GNG2: variants seen among roughly 807,000 people sequenced by gnomAD.
The protein encoded by GNG2 is guanine nucleotide-binding protein G(I)/G(S)/G(O) subunit gamma-2.
Under a neutral mutation model 5.5 loss-of-function variants are expected in GNG2, and 5 were observed. The ratio of observed to expected loss-of-function variants is 0.91; its 90% CI spans 0.48 to 1.92. The LOEUF (loss-of-function observed/expected upper bound fraction) is 1.92. Among genes scored for constraint, GNG2 ranks in the 30% most tolerant of loss-of-function variants. The probability of loss-of-function intolerance (pLI) is 0.01; values close to 1 mark genes in which losing one functional copy is unlikely to be tolerated. For missense variants in GNG2, 55 were observed against 88.4 expected (o/e 0.62, Z 1.52); for synonymous variants, 28 against 32.0 (o/e 0.88, Z 0.42).
intron 2 of GNG2, among the ~76,000 whole-genome samples, chr14:51,850,477 T>TA (rs1288747864): frequency 6.6e-6 from 1 of 152,162 alleles, no homozygotes; most frequent in African/African-American, 2.4e-5. Flanking sequence ...CATATGAGGC[T>TA]AAAAAATTGC....
chr14:51,853,270 G>C (rs906536400), intron 2 of GNG2, among the ~76,000 whole-genome samples: 5 of 152,208 alleles, frequency 3.3e-5, no homozygotes, highest in African/African-American at 4.8e-5. Context: ...TGAAGATGAA[G>C]AGATGCGAGA....
At chr14:51,827,789 G>C in exon 2 of GNG2, 2 of 696,178 alleles carry the variant, frequency 2.9e-6, no homozygotes, top group Non-Finnish European at 5.2e-6. Flanking sequence ...AGCAAGAGAT[G>C]GTGTACCTTC....
intron 2 of GNG2, among the ~76,000 whole-genome samples, chr14:51,895,577 A>G (rs1042076804): frequency 1.2e-4 from 19 of 152,246 alleles, no homozygotes; most frequent in Non-Finnish European, 2.6e-4. Context: ...TGTAGCTGAA[A>G]TTAAGACCAT....
chr14:51,913,981 G>A (rs1886451845), intron 2 of GNG2: 1 of 485,880 alleles, frequency 2.1e-6, no homozygotes, highest in Non-Finnish European at 3.7e-6. Context: ...AAAACAATGG[G>A]AAGAATATCA....
chr14:51,839,597 A>G (rs925814504), intron 2 of GNG2, among the ~76,000 whole-genome samples: 1 of 152,088 alleles, frequency 6.6e-6, no homozygotes, highest in Non-Finnish European at 1.5e-5. Context: ...AAACAGATCA[A>G]TGGTTGTCAG....
chr14:51,938,780 A>T (rs2140260401), intron 2 of GNG2, among the ~76,000 whole-genome samples: 1 of 152,308 alleles, frequency 6.6e-6, no homozygotes, highest in Admixed American at 6.5e-5. Flanking sequence ...TTCTCATGTT[A>T]TGATTTTGGA....
intron 3 of GNG2, 133 bp from the exon 4 acceptor site, chr14:51,966,426 C>T: frequency 1.3e-6 from 1 of 748,076 alleles, no homozygotes; most frequent in Non-Finnish European, 2.3e-6. Flanking sequence ...GATGAGGAAG[C>T]AGAAGCTTTT....
At chr14:51,835,413 G>A (rs1881303575) in intron 2 of GNG2, among the ~76,000 whole-genome samples, 1 of 152,180 alleles carries the variant, frequency 6.6e-6, no homozygotes, top group Non-Finnish European at 1.5e-5. Flanking sequence ...TAGCTGTAAT[G>A]TTTCAGAGGT....
chr14:51,875,421 T>C (rs1883590220), intron 1 of GNG2, among the ~76,000 whole-genome samples: 1 of 152,194 alleles, frequency 6.6e-6, no homozygotes, highest in African/African-American at 2.4e-5. Flanking sequence ...AAAGTAGCTA[T>C]TATTGATATG....
At chr14:51,832,513 C>CT (rs1881226271) in intron 2 of GNG2, among the ~76,000 whole-genome samples, 1 of 152,192 alleles carries the variant, frequency 6.6e-6, no homozygotes, top group African/African-American at 2.4e-5. Context: ...CTCTCAGTGT[C>CT]TTAGCTGGGC....
chr14:51,890,321 GA>G (rs1371177072), intron 2 of GNG2, among the ~76,000 whole-genome samples: 1 of 152,190 alleles, frequency 6.6e-6, no homozygotes, highest in Non-Finnish European at 1.5e-5. Flanking sequence ...TTGTGGTTGA[GA>G]AAAGGCATTT....
At chr14:51,892,319 AT>A (rs1037186702) in intron 2 of GNG2, among the ~76,000 whole-genome samples, 7 of 148,690 alleles carry the variant, frequency 4.7e-5, no homozygotes, top group Admixed American at 1.3e-4. Flanking sequence ...ATTTTATTTT[AT>A]TTTTTTTTTG....
chr14:51,943,282 G>A (rs1318910081), intron 2 of GNG2, among the ~76,000 whole-genome samples: 1 of 152,072 alleles, frequency 6.6e-6, no homozygotes, highest in East Asian at 1.9e-4. Context: ...TCTTTAAGAG[G>A]TATGTATGTT....
At chr14:51,966,386 AG>A (rs1889922521) in intron 3 of GNG2, among the ~76,000 whole-genome samples, 172 bp from the exon 4 acceptor site, 1 of 152,118 alleles carries the variant, frequency 6.6e-6, no homozygotes, top group South Asian at 2.1e-4. Flanking sequence ...CAATCCTGTA[AG>A]GTCAGTGTCG....
At chr14:51,882,463 G>C (rs1884147444) in intron 2 of GNG2, among the ~76,000 whole-genome samples, 1 of 152,178 alleles carries the variant, frequency 6.6e-6, no homozygotes, top group Admixed American at 6.5e-5. Context: ...ATATTTGGAT[G>C]TCATAGTGTC....
chr14:51,898,944 C>T (rs1200467274), intron 2 of GNG2, among the ~76,000 whole-genome samples: 4 of 152,188 alleles, frequency 2.6e-5, no homozygotes, highest in African/African-American at 7.2e-5. Context: ...TATTTCCCTT[C>T]AGCAGCAGTG....
At chr14:51,839,778 T>C (rs182820132) in intron 2 of GNG2, among the ~76,000 whole-genome samples, 76 of 152,302 alleles carry the variant, frequency 5.0e-4, no homozygotes, top group African/African-American at 1.6e-3. Context: ...TATGCTTTAA[T>C]TTTTTTAAAT....
chr14:51,942,390 A>G (rs1888369204), intron 2 of GNG2, among the ~76,000 whole-genome samples: 1 of 151,808 alleles, frequency 6.6e-6, no homozygotes, highest in South Asian at 2.1e-4. Context: ...TCTGCACACT[A>G]ACTGCCAGTA....
chr14:51,826,800 A>C (rs1351705841), intron 1 of GNG2, among the ~76,000 whole-genome samples: 2 of 152,174 alleles, frequency 1.3e-5, no homozygotes, highest in Admixed American at 6.5e-5. Context: ...AGAATGGTGA[A>C]GTTTTGGAAT....
Sources: allele counts gnomAD v4.1 joint callset (sites outside exome capture counted in the v4.1 genomes callset), GRCh38; gene constraint gnomAD v4.1.1; transcripts MANE v1.5; gene names NCBI Gene and HGNC (gene_info 2026-07-23, HGNC 2026-07-21).